Variants in NAPSA observed in about 807,000 individuals in gnomAD.
NAPSA encodes the protein napsin-A.
In NAPSA, 37 loss-of-function variants were observed where a neutral mutation model predicts 36.7. That is an observed-to-expected ratio of 1.01 (90% CI 0.78 to 1.33). The LOEUF is 1.33. NAPSA is among the 40% of genes most tolerant of loss of function. The pLI is 0.00. For synonymous variants in NAPSA, 222 were observed against 234.5 expected, an observed-to-expected ratio of 0.95 and a Z score of 0.49; for missense variants, 532 against 543.8, an observed-to-expected ratio of 0.98 and a Z score of 0.21.
At chr19:50,367,409 A>G (rs1358734422), upstream of NAPSA, among the ~76,000 whole-genome samples, 1 of 152,208 alleles carries the variant, frequency 6.6e-6, no homozygotes, top group Non-Finnish European at 1.5e-5. Flanking sequence ...AAGCCCATTA[A>G]TGCTGTGGTT....
intron 1 of NAPSA, chr19:50,362,519 AAC>A: frequency 2.2e-6 from 1 of 459,360 alleles, no homozygotes; most frequent in Non-Finnish European, 3.8e-6. Context: ...TACAAGAGCA[AAC>A]CATCCCAAAC....
At chr19:50,361,858 G>GT in intron 3 of NAPSA, 77 bp from the exon 4 acceptor site, 1 of 1,602,330 alleles carries the variant, frequency 6.2e-7, no homozygotes, top group Non-Finnish European at 8.5e-7. Context: ...TTTCTGACCT[G>GT]TGAGGGCATG....
chr19:50,361,090 C>A lies in NAPSA; in HGVS notation c.519G>T (p.Glu173Asp), dbSNP rs1333256452. ...ASVIFGEALWEPSLVFAFAHF... is the reference protein window; with the variant it reads ...ASVIFGEALWDPSLVFAFAHF... ...GGGCAAAAGCGAAGACCAGGCTGGG[C>A]TCCCAGAGAGCCTCCCCGAAAATCA... The change falls in exon 5 of 9, where the codon GAG (glutamate) becomes GAT (aspartate). Residue 173 changes from glutamate to aspartate, a missense_variant. Coordinates refer to ENST00000253719, the MANE Select transcript of NAPSA (RefSeq NM_004851.3). The A allele has an allele frequency of 6.2e-7, 1 of 1,614,088 alleles. No individual in the cohort carries two copies. Among genetic ancestry groups the A allele is most frequent in the Non-Finnish European group, 8.5e-7 (1 of 1,180,008 alleles).
intron 1 of NAPSA, among the ~76,000 whole-genome samples, chr19:50,364,415 A>T (rs1481957031): frequency 6.6e-6 from 1 of 151,538 alleles, no homozygotes; most frequent in Non-Finnish European, 1.5e-5. Context: ...GGAGATCGAG[A>T]CCATCCTGGC....
rs745914617 is a variant in NAPSA at position 50,361,722 on chromosome 19, A to G, written c.409T>C (p.Phe137Leu). ...CGCCCAGTTCCATATTGAATGGCAA[A>G]CTTGGTCCCATTGGCCTGGAAGGAG... ...SSSFQANGTK[F>L]AIQYGTGRVD... Residue 137 changes from phenylalanine to leucine, a missense_variant, in exon 4 of 9, where the codon TTT (phenylalanine) becomes CTT (leucine). Phe to Leu is a conservative substitution (Grantham distance 22). This residue lies in a region of NAPSA where 45 missense variants were observed against 78.7 expected (regional missense o/e 0.57). Coordinates refer to ENST00000253719, the MANE Select transcript of NAPSA (RefSeq NM_004851.3). 6.2e-7 allele frequency: 1 copy of G among 1,614,088 alleles called. No homozygotes were observed. Among genetic ancestry groups the G allele is most frequent in the Non-Finnish European group, 8.5e-7 (1 of 1,180,022 alleles).
rs533752297 is a variant in NAPSA, at chr19:50,364,764, G to A, written c.83+775C>T. Among the ~76,000 whole-genome samples the A allele has an allele frequency of 4.0e-5, 6 of 150,984 alleles. No homozygotes were observed. The South Asian group carries it at 6.3e-4, about 16-fold the overall frequency. ...CCACAGCACTTTTGGAGGCTGAGGC[G>A]GAAAGATCACTTGAGGTCAGGAGTT... On this transcript the variant is annotated intron_variant, in intron 1 of 8. Transcript: ENST00000253719.
intron 5 of NAPSA, 65 bp from the exon 6 acceptor site, chr19:50,359,927 T>C: frequency 1.9e-6 from 3 of 1,558,150 alleles, no homozygotes; most frequent in Non-Finnish European, 2.6e-6. Flanking sequence ...GCCCTAGGTA[T>C]TGCCAGGAAT....
In NAPSA at chr19:50,360,991, C is replaced by T. The variant is rs1390590583; in HGVS notation, c.618G>A (p.Leu206=). 3 of 1,614,148 alleles carry T rather than the reference C, an allele frequency of 1.9e-6. No individual in the cohort carries two copies. Among genetic ancestry groups the T allele is most frequent in the Admixed American group, 1.7e-5 (1 of 60,016 alleles). The change falls in exon 5 of 9, where the codon CTG becomes CTA. Residue 206 remains leucine (L), a synonymous_variant. Coordinates refer to ENST00000253719, the MANE Select transcript of NAPSA (RefSeq NM_004851.3). The part of the protein sequence containing the change: ...VEGVRPPMDV[L]VEQGLLDKPV... ...GCTTATCCAATAGCCCCTGCTCCAC[C>T]AGTACATCCATCGGGGGCCGAACTC... is the stretch of plus-strand genomic sequence containing the variant.
upstream of NAPSA, among the ~76,000 whole-genome samples, chr19:50,366,250 G>A (rs534137554): frequency 5.3e-5 from 8 of 151,164 alleles, no homozygotes; most frequent in Non-Finnish European, 7.4e-5. Flanking sequence ...ACAGGCATGC[G>A]CAACCACGCC....
chr19:50,360,771 C>T (rs527828366), intron 5 of NAPSA, among the ~76,000 whole-genome samples, 170 bp downstream of exon 5: 52 of 152,248 alleles, frequency 3.4e-4, no homozygotes, highest in Non-Finnish European at 6.5e-4. Flanking sequence ...AGGTGACTTC[C>T]TGCATGGAGG....
intron 1 of NAPSA, among the ~76,000 whole-genome samples, chr19:50,363,249 C>T (rs1036463679): frequency 2.6e-5 from 4 of 152,084 alleles, no homozygotes; most frequent in African/African-American, 9.7e-5. Context: ...ACACCCCTCC[C>T]CCTACCAAGA....
intron 1 of NAPSA, among the ~76,000 whole-genome samples, chr19:50,364,990 T>C (rs2037526329): frequency 7.4e-6 from 1 of 134,600 alleles, no homozygotes; most frequent in African/African-American, 3.0e-5. Context: ...AGACTCTGTC[T>C]CAAATAATAA....
upstream of NAPSA, among the ~76,000 whole-genome samples, chr19:50,366,416 A>G (rs999839489): frequency 6.6e-6 from 1 of 150,972 alleles, no homozygotes; most frequent in Non-Finnish European, 1.5e-5. Flanking sequence ...CAATTATTTC[A>G]ATCTCTTTGT....
chr19:50,361,968 C>T lies in NAPSA; in HGVS notation c.349+1G>A. The T allele has an allele frequency of 6.3e-7, 1 of 1,593,584 alleles. No individual in the cohort carries two copies. Among genetic ancestry groups the T allele is most frequent in the Non-Finnish European group, 8.5e-7 (1 of 1,169,868 alleles). On this transcript the variant is annotated splice_donor_variant, in intron 3 of 8. Coordinates refer to ENST00000253719, the MANE Select transcript of NAPSA (RefSeq NM_004851.3). LOFTEE classifies it high-confidence loss of function. ...CCTTATTCTCCCACATAGAAGCTCA[C>T]AGCAGGGCACACTGAAGAAGTGGCA... is the stretch of plus-strand genomic sequence containing the variant.
At chr19:50,360,438 G>A (rs1403447383) in intron 5 of NAPSA, among the ~76,000 whole-genome samples, 1 of 152,092 alleles carries the variant, frequency 6.6e-6, no homozygotes, top group African/African-American at 2.4e-5. Context: ...CCTCTGGGAG[G>A]GAAAGTGGAG....
intron 7 of NAPSA, 132 bp from the exon 8 acceptor site, chr19:50,359,241 T>G (rs2037438589): frequency 1.1e-6 from 1 of 896,684 alleles, no homozygotes; most frequent in African/African-American, 1.7e-5. Context: ...GCAGAGGCCC[T>G]GCCGCCTAGA....
Position 50,358,570 on chromosome 19 carries a change from C to A in NAPSA, c.1246G>T (p.Ala416Ser). 1 of 1,603,242 alleles carries A rather than the reference C, an allele frequency of 6.2e-7. No individual in the cohort carries two copies. The stretch of plus-strand genomic sequence containing the variant: ...CTTGGGCGTCACCCGGGGAACTGCG[C>A]CTGCGCAGTCTCTCCCCATCCGAGG... ...ADLGWGETAQ[A>S]QFPG The change falls in exon 9 of 9, where the codon GCG becomes TCG. Residue 416 changes from alanine to serine, a missense_variant. Physicochemically the swap from Ala to Ser is moderately conservative, Grantham distance 99 (BLOSUM62 1). Coordinates refer to ENST00000253719, the MANE Select transcript of NAPSA (RefSeq NM_004851.3).
At chr19:50,360,629 G>A (rs552043449) in intron 5 of NAPSA, among the ~76,000 whole-genome samples, 60 of 152,254 alleles carry the variant, frequency 3.9e-4, no homozygotes, top group Non-Finnish European at 7.1e-4. Flanking sequence ...TTGTTGGGTG[G>A]GGCATGGAAT....
chr19:50,367,476 A>T (rs897660314), upstream of NAPSA, among the ~76,000 whole-genome samples: 14 of 152,076 alleles, frequency 9.2e-5, no homozygotes, highest in Non-Finnish European at 2.1e-4. Context: ...CAGAAGATTT[A>T]TCTGGATTAC....
Sources: allele counts gnomAD v4.1 joint callset (sites outside exome capture counted in the v4.1 genomes callset), GRCh38; gene constraint gnomAD v4.1.1; regional missense constraint gnomAD v4.1.1; transcripts MANE v1.5; gene names NCBI Gene and HGNC (gene_info 2026-07-23, HGNC 2026-07-21).